FHIT: variants seen among roughly 807,000 people sequenced by gnomAD.
FHIT encodes fragile histidine triad diadenosine triphosphatase, also known as bis(5'-adenosyl)-triphosphatase.
FHIT carries 19 observed loss-of-function variants against 17.9 expected under a neutral mutation model. That is an observed-to-expected ratio of 1.06 (90% CI 0.74 to 1.56). The LOEUF is 1.56. Among genes scored for constraint, FHIT ranks in the 40% most tolerant of loss-of-function variants. The pLI is 0.00. For missense variants in FHIT, 248 were observed against 189.2 expected, an observed-to-expected ratio of 1.31 and a Z score of -1.82; for synonymous variants, 81 against 69.7, an observed-to-expected ratio of 1.16 and a Z score of -0.81.
intron 4 of FHIT, among the ~76,000 whole-genome samples, chr3:60,627,546 C>T (rs1199572777): frequency 6.6e-6 from 1 of 152,114 alleles, no homozygotes; most frequent in Non-Finnish European, 1.5e-5. Context: ...CGCTCTGCCA[C>T]CCAGGCTGGA....
intron 2 of FHIT, among the ~76,000 whole-genome samples, chr3:61,062,415 C>G (rs2034460075): frequency 6.6e-6 from 1 of 152,154 alleles, no homozygotes; most frequent in African/African-American, 2.4e-5. Context: ...TCCCAAATGA[C>G]TCTTCTGGAA....
chr3:60,251,549 A>G (rs1705711857), intron 5 of FHIT, among the ~76,000 whole-genome samples: 1 of 152,224 alleles, frequency 6.6e-6, no homozygotes, highest in African/African-American at 2.4e-5. Flanking sequence ...GTTTATATTT[A>G]AAAATTGTAC....
chr3:59,751,862 CTTTAA>C (rs33939225), intron 9 of FHIT: 152,455 of 254,644 alleles, frequency 0.6, 46,144 homozygotes, highest in Admixed American at 0.67. Flanking sequence ...CATGTCACAC[CTTTAA>C]GTTAAGTTGG....
chr3:60,965,492 TC>T (rs1709684755), intron 3 of FHIT, among the ~76,000 whole-genome samples: 1 of 152,240 alleles, frequency 6.6e-6, no homozygotes, highest in Non-Finnish European at 1.5e-5. Flanking sequence ...GGAGCTAGGT[TC>T]CTTTGTAGGA....
Position 61,198,850 on chromosome 3 carries a change from T to A in FHIT, c.-164+1767A>T, listed in dbSNP as rs901071932. Among the ~76,000 whole-genome samples the A allele has an allele frequency of 3.3e-5, 5 of 152,126 alleles. 1 individual carries two copies. The highest frequency in any genetic ancestry group is 4.8e-5 in the African/African-American group (2 of 41,482). ...AAAAGAATAGACTTATAAAAATGTA[T>A]AATGAATAAATTCATAAAGATGCTG... On this transcript the variant is annotated intron_variant, in intron 2 of 9. Coordinates refer to ENST00000492590, the MANE Select transcript of FHIT (RefSeq NM_002012.4).
chr3:60,557,929 C>T (rs1300769033), intron 4 of FHIT, among the ~76,000 whole-genome samples: 1 of 152,072 alleles, frequency 6.6e-6, no homozygotes, highest in African/African-American at 2.4e-5. Flanking sequence ...CATACATTTG[C>T]ACCCTGGTTT....
intron 2 of FHIT, among the ~76,000 whole-genome samples, chr3:61,115,066 T>C (rs1375753903): frequency 2.6e-5 from 4 of 152,150 alleles, no homozygotes; most frequent in African/African-American, 9.7e-5. Flanking sequence ...CCGGAACAGA[T>C]AATATGGTAA....
rs116181252 is a variant in FHIT, at chr3:60,838,528, T to G, written c.-110-16517A>C. On this transcript the variant is annotated intron_variant, in intron 3 of 9. Transcript: ENST00000492590. Reference sequence around the variant, plus strand: ...AACAAAAAACACAAATTCTCTTAGTTTTCCTTCATCTGATAATATTTTTAC... The same window carrying G: ...AACAAAAAACACAAATTCTCTTAGTGTTCCTTCATCTGATAATATTTTTAC... Among the ~76,000 whole-genome samples the G allele has an allele frequency of 3.0e-3, 460 of 152,218 alleles. 2 individuals carry two copies. Among genetic ancestry groups the G allele is most frequent in the African/African-American group, 0.011 (449 of 41,554 alleles).
At chr3:61,210,497 T>G (rs1365983377) in intron 1 of FHIT, among the ~76,000 whole-genome samples, 1 of 152,194 alleles carries the variant, frequency 6.6e-6, no homozygotes, top group Non-Finnish European at 1.5e-5. Context: ...ACTCAAGCCT[T>G]GGCAATGGCA....
At chr3:59,787,481 AACACACACAC>A (rs58100812) in intron 8 of FHIT, among the ~76,000 whole-genome samples, 6,765 of 142,460 alleles carry the variant, frequency 0.047, 263 homozygotes, top group African/African-American at 0.11. Flanking sequence ...CAAGGGGCAA[AACACACACAC>A]ACACACACAC....
chr3:60,341,896 T>C (rs1710533454), intron 5 of FHIT, among the ~76,000 whole-genome samples: 2 of 152,178 alleles, frequency 1.3e-5, no homozygotes. Context: ...TTTTGTTCCT[T>C]AGTTCAGCCA....
intron 2 of FHIT, among the ~76,000 whole-genome samples, chr3:61,168,738 T>C (rs1178249922): frequency 6.6e-6 from 1 of 152,252 alleles, no homozygotes; most frequent in Non-Finnish European, 1.5e-5. Context: ...AAATATTTTC[T>C]GGTTCAAGTG....
At chr3:60,368,610 T>C (rs907184010) in intron 5 of FHIT, among the ~76,000 whole-genome samples, 1 of 152,136 alleles carries the variant, frequency 6.6e-6, no homozygotes, top group African/African-American at 2.4e-5. Context: ...TTTCCTCCAG[T>C]CTGTAGCTTG....
At chr3:60,602,366 A>G (rs939324984) in intron 4 of FHIT, among the ~76,000 whole-genome samples, 4 of 152,196 alleles carry the variant, frequency 2.6e-5, no homozygotes, top group Non-Finnish European at 5.9e-5. Context: ...AAAACCATGG[A>G]GCAATGTCTA....
chr3:60,230,332 T>C (rs1344841039), intron 5 of FHIT, among the ~76,000 whole-genome samples: 1 of 152,174 alleles, frequency 6.6e-6, no homozygotes, highest in East Asian at 1.9e-4. Flanking sequence ...TTATTTCATA[T>C]CCTAAAAAGA....
chr3:60,048,983 G>C (rs181616274), intron 5 of FHIT, among the ~76,000 whole-genome samples: 168 of 152,188 alleles, frequency 1.1e-3, no homozygotes, highest in Middle Eastern at 3.4e-3. Flanking sequence ...ACTGAGTTGG[G>C]CAAGCTCCTT....
chr3:59,755,538 T>A (rs1433788233), intron 8 of FHIT, among the ~76,000 whole-genome samples: 4 of 151,942 alleles, frequency 2.6e-5, no homozygotes, highest in Non-Finnish European at 5.9e-5. Context: ...AATGGAGGAG[T>A]TTCACTTCTG....
At chr3:61,153,785 A>T (rs1030253136) in intron 2 of FHIT, among the ~76,000 whole-genome samples, 1 of 152,226 alleles carries the variant, frequency 6.6e-6, no homozygotes, top group Non-Finnish European at 1.5e-5. Flanking sequence ...GGTGATTTAT[A>T]GCCAATGTCC....
intron 3 of FHIT, among the ~76,000 whole-genome samples, chr3:60,946,818 G>A (rs1553775876): frequency 6.6e-6 from 1 of 152,190 alleles, no homozygotes; most frequent in Non-Finnish European, 1.5e-5. Context: ...AGTTTGCCAA[G>A]AGTATCAAGC....
Sources: gnomAD v4.1 joint callset for allele counts (sites outside exome capture counted in the v4.1 genomes callset) on GRCh38, gnomAD v4.1.1 for gene constraint, MANE v1.5 for transcripts, NCBI Gene and HGNC (gene_info 2026-07-23, HGNC 2026-07-21) for gene names.